The following GLYATL2 variants were observed in gnomAD, a reference collection of about 807,000 sequenced individuals.
GLYATL2 encodes glycine N-acyltransferase-like protein 2.
GLYATL2 carries 25 observed loss-of-function variants against 21.4 expected under a neutral mutation model. The ratio of observed to expected loss-of-function variants is 1.17; its 90% CI spans 0.85 to 1.63. The LOEUF is 1.63. Ranked by LOEUF, GLYATL2 falls within the 40% of genes most tolerant of loss-of-function variation. GLYATL2 has a pLI of 0.00. For missense variants in GLYATL2, 361 were observed against 343.3 expected (o/e 1.05, Z -0.41); for synonymous variants, 114 against 118.2 (o/e 0.96, Z 0.23).
intron 5 of GLYATL2, among the ~76,000 whole-genome samples, chr11:58,835,910 A>G (rs1853422329): frequency 3.3e-5 from 5 of 152,188 alleles, no homozygotes; most frequent in Admixed American, 6.5e-5. Flanking sequence ...TCTCATATGA[A>G]CACTGGTGGG....
upstream of GLYATL2, chr11:58,907,346 G>A (rs1407488778): frequency 2.2e-6 from 1 of 456,126 alleles, no homozygotes; most frequent in Non-Finnish European, 4.4e-6. Flanking sequence ...GCCCTTCCTT[G>A]CGACACTGGC....
chr11:58,846,865 A>G (rs1853653862), upstream of GLYATL2, among the ~76,000 whole-genome samples: 1 of 152,110 alleles, frequency 6.6e-6, no homozygotes, highest in East Asian at 1.9e-4. Flanking sequence ...GGGTCAGTCA[A>G]AGGAGAGCTG....
At chr11:58,862,081 G>C (rs1013071349) in intron 1 of GLYATL2, among the ~76,000 whole-genome samples, 32 of 151,738 alleles carry the variant, frequency 2.1e-4, no homozygotes, top group African/African-American at 7.3e-4. Flanking sequence ...AGATTTTGTT[G>C]GGAACAGTAT....
intron 1 of GLYATL2, among the ~76,000 whole-genome samples, chr11:58,872,847 T>C (rs952691318): frequency 6.6e-6 from 1 of 152,240 alleles, no homozygotes; most frequent in Admixed American, 6.5e-5. Flanking sequence ...TTGATAGGGA[T>C]GGCATTGAAT....
At chr11:58,873,411 T>A (rs907289781) in intron 1 of GLYATL2, among the ~76,000 whole-genome samples, 3 of 152,236 alleles carry the variant, frequency 2.0e-5, no homozygotes, top group African/African-American at 7.2e-5. Flanking sequence ...AGTATGATAT[T>A]GGCTGTGGGC....
chr11:58,883,544 A>G (rs531316907), intron 1 of GLYATL2, among the ~76,000 whole-genome samples: 1 of 152,336 alleles, frequency 6.6e-6, no homozygotes, highest in East Asian at 1.9e-4. Context: ...GAATAGACCA[A>G]TAACAGGCTC....
At chr11:58,876,990 A>C (rs1193646791) in intron 1 of GLYATL2, among the ~76,000 whole-genome samples, 1 of 152,224 alleles carries the variant, frequency 6.6e-6, no homozygotes, top group African/African-American at 2.4e-5. Flanking sequence ...GAGCAATGGC[A>C]GGCGCCCCTC....
At chr11:58,856,785 A>T (rs965771349) in intron 1 of GLYATL2, among the ~76,000 whole-genome samples, 1 of 152,158 alleles carries the variant, frequency 6.6e-6, no homozygotes, top group African/African-American at 2.4e-5. Flanking sequence ...CACCATCAAA[A>T]CTCACTGATC....
At chr11:58,835,555 G>A (rs558062034) in intron 5 of GLYATL2, among the ~76,000 whole-genome samples, 6 of 152,290 alleles carry the variant, frequency 3.9e-5, no homozygotes, top group Non-Finnish European at 8.8e-5. Context: ...AGGAAGTTTA[G>A]CCCCTCTCCA....
intron 1 of GLYATL2, among the ~76,000 whole-genome samples, chr11:58,903,842 C>T (rs894954507): frequency 6.6e-6 from 1 of 152,168 alleles, no homozygotes; most frequent in East Asian, 1.9e-4. Flanking sequence ...GGGCATTCAC[C>T]CGCATGTGTT....
chr11:58,885,826 G>A (rs1854428576), intron 1 of GLYATL2, among the ~76,000 whole-genome samples: 2 of 152,126 alleles, frequency 1.3e-5, no homozygotes, highest in African/African-American at 4.8e-5. Context: ...ACCTGCAGGG[G>A]CTGAAAGGAG....
chr11:58,855,958 T>C (rs1590725826), intron 1 of GLYATL2, among the ~76,000 whole-genome samples: 1 of 152,010 alleles, frequency 6.6e-6, no homozygotes, highest in East Asian at 1.9e-4. Context: ...ACCCCATCTC[T>C]ACTAAAAATA....
intron 1 of GLYATL2, among the ~76,000 whole-genome samples, chr11:58,879,509 G>A (rs997575247): frequency 2.0e-5 from 3 of 152,024 alleles, no homozygotes; most frequent in African/African-American, 4.8e-5. Context: ...CATATATAAA[G>A]CAAAATTATT....
chr11:58,877,221 A>G (rs1854251465), intron 1 of GLYATL2, among the ~76,000 whole-genome samples: 2 of 152,102 alleles, frequency 1.3e-5, no homozygotes, highest in African/African-American at 4.8e-5. Context: ...GAATTCCCTG[A>G]CCTCTTGTGC....
At chr11:58,880,771 A>G (rs1854319396) in intron 1 of GLYATL2, among the ~76,000 whole-genome samples, 1 of 152,214 alleles carries the variant, frequency 6.6e-6, no homozygotes, top group Non-Finnish European at 1.5e-5. Context: ...GTATTCAAAC[A>G]TTCTGAAATT....
At chr11:58,883,254 T>G (rs755060413) in intron 1 of GLYATL2, among the ~76,000 whole-genome samples, 21 of 152,046 alleles carry the variant, frequency 1.4e-4, no homozygotes, top group Non-Finnish European at 2.5e-4. Flanking sequence ...GTAGTTCTCC[T>G]TCAAAAAAAT....
chr11:58,858,888 T>C (rs533177), intron 1 of GLYATL2, among the ~76,000 whole-genome samples: 134,459 of 152,110 alleles, frequency 0.88, 60,679 homozygotes, highest in Non-Finnish European at 0.98. Context: ...TTAGAGAGCA[T>C]CACTGTCTCC....
At chr11:58,894,520 G>GAT (rs1443500933) in intron 1 of GLYATL2, among the ~76,000 whole-genome samples, 4 of 134,504 alleles carry the variant, frequency 3.0e-5, no homozygotes, top group Admixed American at 2.3e-4. Flanking sequence ...TGATAATCTA[G>GAT]ATTTAAAAAA....
At chr11:58,905,437 G>A (rs967720320), upstream of GLYATL2, 1 of 454,140 alleles carries the variant, frequency 2.2e-6, no homozygotes, top group Non-Finnish European at 4.4e-6. Context: ...AGCGGCAGAA[G>A]GGCAGCAATG....
Sources: allele counts gnomAD v4.1 joint callset (sites outside exome capture counted in the v4.1 genomes callset), GRCh38; gene constraint gnomAD v4.1.1; transcripts MANE v1.5; gene names NCBI Gene and HGNC (gene_info 2026-07-23, HGNC 2026-07-21).